The following TCIRG1 variants were observed in gnomAD, a reference collection of about 807,000 sequenced individuals.
TCIRG1 encodes the protein V-type proton ATPase 116 kDa subunit a 3.
A neutral mutation model predicts 95.5 loss-of-function variants in TCIRG1; 86 were observed. The ratio of observed to expected loss-of-function variants is 0.90; its 90% CI spans 0.76 to 1.08. The LOEUF (loss-of-function observed/expected upper bound fraction) is 1.08. Among genes scored for constraint, TCIRG1 ranks in the 50% least tolerant of loss-of-function variants. The pLI, the probability that TCIRG1 is intolerant of heterozygous loss-of-function variation, is 0.00. For synonymous variants in TCIRG1, 499 were observed against 501.3 expected (o/e 1.00, Z 0.06); for missense variants, 1,069 against 1,140.2 (o/e 0.94, Z 0.90).
chr11:68,041,410 G>T, intron 2 of TCIRG1, 22 bp downstream of exon 2: 1 of 1,543,414 alleles, frequency 6.5e-7, no homozygotes, highest in South Asian at 1.1e-5. Context: ...GGGCAGGCGT[G>T]GGAAGGGGGC....
rs1419160143 is a variant in TCIRG1, at chr11:68,043,847, G to A, written c.747G>A (p.Gln249=). ...FHCHVFPFLQ[Q]EEARLGALQQ... is the part of the protein sequence containing the mutation. Reference sequence around the variant, plus strand: ...GCCACGTCTTCCCGTTTCTGCAGCAGGAGGAGGCCCGCCTCGGGGCCCTGC... The same window carrying A: ...GCCACGTCTTCCCGTTTCTGCAGCAAGAGGAGGCCCGCCTCGGGGCCCTGC... Residue 249 remains glutamine (Q), a synonymous_variant, in exon 8 of 20, where the codon CAG becomes CAA. Transcript: ENST00000265686. 3 of 1,560,822 alleles carry A rather than the reference G, an allele frequency of 1.9e-6. No homozygotes were observed. Among genetic ancestry groups the A allele is most frequent in the Admixed American group, 3.8e-5 (2 of 52,282 alleles).
At chr11:68,048,720 C>A in intron 13 of TCIRG1, 159 bp from the exon 14 acceptor site, 1 of 728,716 alleles carries the variant, frequency 1.4e-6, no homozygotes, top group Non-Finnish European at 2.5e-6. Flanking sequence ...GGCAGCTGGC[C>A]CATCTGCGCT....
Position 68,050,517 on chromosome 11 carries a change from T to C in TCIRG1, c.2267T>C (p.Met756Thr), listed in dbSNP as rs760723665. The C allele has an allele frequency of 1.2e-6, 2 of 1,613,490 alleles. No homozygotes were observed. Among genetic ancestry groups the C allele is most frequent in the Non-Finnish European group, 1.7e-6 (2 of 1,180,002 alleles). Residue 756 changes from methionine to threonine, a missense_variant, in exon 19 of 20, where the codon ATG (methionine) becomes ACG (threonine). Physicochemically the swap from Met to Thr is moderately conservative, Grantham distance 81. Coordinates refer to ENST00000265686, the MANE Select transcript of TCIRG1 (RefSeq NM_006019.4). Reference protein sequence around the residue: ...QLSEVLWAMVMRIGLGLGREV... With the variant: ...QLSEVLWAMVTRIGLGLGREV... ...TCCGAGGTTCTGTGGGCCATGGTGATGCGCATAGGCCTGGGCCTGGGCCGG... is the reference window on the plus strand; with the variant it reads ...TCCGAGGTTCTGTGGGCCATGGTGACGCGCATAGGCCTGGGCCTGGGCCGG...
In TCIRG1 at chr11:68,044,372, T is replaced by C. The variant is rs757111026; in HGVS notation, c.1020+28T>C. On this transcript the variant is annotated intron_variant, in intron 9 of 19. Coordinates refer to ENST00000265686, the MANE Select transcript of TCIRG1 (RefSeq NM_006019.4). ...GAGCAGCCTGAGGCCTCGCCCCCTC[T>C]CCGCCCGCCCCTCCTACCAGGCCGG... is the stretch of plus-strand genomic sequence containing the variant. 5.3e-6 allele frequency: 8 copies of C among 1,516,424 alleles called. No homozygotes were observed. In the South Asian group the frequency reaches 6.0e-5, roughly 11 times the overall value. The allele number at this position is 1,516,424 out of a possible 1,614,324, so 93.9% of individuals were successfully genotyped here.
rs2134456014 is a variant in TCIRG1 at position 68,047,883 on chromosome 11, G to A, written c.1465G>A (p.Asp489Asn). The A allele has an allele frequency of 1.2e-6, 2 of 1,613,590 alleles. No individual in the cohort carries two copies. The highest frequency in any genetic ancestry group is 4.5e-5 in the East Asian group (2 of 44,872). Residue 489 changes from aspartate (D) to asparagine (N), a missense_variant and splice_region_variant, in exon 13 of 20, where the codon GAT becomes AAT. Transcript: ENST00000265686. ...AAMANQSGWSDAFLAQHTMLT... is the reference protein window; with the variant it reads ...AAMANQSGWSNAFLAQHTMLT... Reference sequence around the variant, plus strand: ...CCGCCCTCCCCTGCGTTGCCGCAGTGATGCATTCCTGGCCCAGCACACGAT... The same window carrying A: ...CCGCCCTCCCCTGCGTTGCCGCAGTAATGCATTCCTGGCCCAGCACACGAT...
Position 68,049,778 on chromosome 11 carries a change from C to A in TCIRG1, c.2003C>A (p.Ala668Asp). 2 of 1,571,866 alleles carry A rather than the reference C, an allele frequency of 1.3e-6. No homozygotes were observed. Among genetic ancestry groups the A allele is most frequent in the Non-Finnish European group, 1.7e-6 (2 of 1,166,014 alleles). ...RHRRRLRRRP[A>D]DRQEENKAGL... ...CGCCGCCGCCTGCGGAGGAGGCCCG[C>A]TGACCGACAGGTGGGACCGGGGCCT... Residue 668 changes from alanine (A) to aspartate (D), a missense_variant, in exon 16 of 20, where the codon GCT (alanine) becomes GAT (aspartate). By Grantham distance (126) the Ala-to-Asp change is moderately radical (BLOSUM62 -2). Transcript: ENST00000265686.
chr11:68,044,987 C>G lies in TCIRG1; in HGVS notation c.1050C>G (p.His350Gln). The change falls in exon 10 of 20, where the codon CAC becomes CAG. Residue 350 changes from histidine (H) to glutamine (Q), a missense_variant. Coordinates refer to ENST00000265686, the MANE Select transcript of TCIRG1 (RefSeq NM_006019.4). ...SMEEGVSAVA[H>Q]RIPCRDMPPT... ...AGGAGGGAGTGAGTGCCGTGGCTCA[C>G]CGCATCCCCTGCCGGGACATGCCCC... 1 of 1,608,772 alleles carries G rather than the reference C, an allele frequency of 6.2e-7. No homozygotes were observed. The highest frequency in any genetic ancestry group is 8.5e-7 in the Non-Finnish European group (1 of 1,179,986).
downstream of TCIRG1, chr11:68,050,991 GA>G: frequency 1.8e-5 from 13 of 723,422 alleles, no homozygotes; most frequent in South Asian, 1.3e-4. Context: ...TCAAGGCCTG[GA>G]CCTGAGCAGA....
intron 3 of TCIRG1, 129 bp downstream of exon 3, chr11:68,041,960 C>T: frequency 1.2e-6 from 1 of 837,008 alleles, no homozygotes; most frequent in Non-Finnish European, 2.0e-6. Flanking sequence ...CAGGGCCCTG[C>T]AGGGCCAAGA....
chr11:68,043,545 C>CT, intron 6 of TCIRG1, 26 bp from the exon 7 acceptor site: 1 of 1,598,672 alleles, frequency 6.3e-7, no homozygotes, highest in Non-Finnish European at 8.5e-7. Flanking sequence ...AGCGGGACCC[C>CT]AGAGTCAGCT....
In TCIRG1 at chr11:68,045,099, C is replaced by G; in HGVS notation, c.1162C>G (p.Pro388Ala). ...CGTGGGCCGCTACCAGGAGGTCAAC[C>G]CCGGTGAGAGCCACGGCATCCTTAC... is the stretch of plus-strand genomic sequence containing the variant. The part of the protein sequence containing the change: ...YGVGRYQEVN[P>A]APYTIITFPF... The change falls in exon 10 of 20, where the codon CCC (proline) becomes GCC (alanine). Residue 388 changes from proline (P) to alanine (A), a missense_variant. By Grantham distance (27) the Pro-to-Ala change is conservative. Coordinates refer to ENST00000265686, the MANE Select transcript of TCIRG1 (RefSeq NM_006019.4). The G allele has an allele frequency of 6.2e-7, 1 of 1,600,986 alleles. No homozygotes were observed. Among genetic ancestry groups the G allele is most frequent in the South Asian group, 1.1e-5 (1 of 91,090 alleles).
Position 68,045,064 on chromosome 11 carries a change from AT to A in TCIRG1, c.1128del (p.Asp376GlufsTer27). ...ACGGCCAGCTTCCAGGGCATCGTGG[AT>A]GCCTACGGCGTGGGCCGCTACCAGG... is the stretch of plus-strand genomic sequence containing the variant. ...RFTASFQGIV[D>X]AYGVGRYQEV... On this transcript the variant is annotated frameshift_variant, in exon 10 of 20. Coordinates refer to ENST00000265686, the MANE Select transcript of TCIRG1 (RefSeq NM_006019.4). LOFTEE classifies it high-confidence loss of function. 4 of 1,604,618 alleles carry A rather than the reference AT, an allele frequency of 2.5e-6. No homozygotes were observed. The highest frequency in any genetic ancestry group is 3.4e-6 in the Non-Finnish European group (4 of 1,179,980).
intron 1 of TCIRG1, among the ~76,000 whole-genome samples, chr11:68,040,740 C>A (rs553069319): frequency 6.6e-6 from 1 of 152,202 alleles, no homozygotes. Context: ...TGCTGCCGGG[C>A]GGCCCGGGCC....
At chr11:68,050,924 T>C (rs1855775570), downstream of TCIRG1, 3 of 1,320,414 alleles carry the variant, frequency 2.3e-6, no homozygotes, top group South Asian at 3.7e-5. Flanking sequence ...TCCCTCCTTT[T>C]TAGCTGAGGC....
intron 13 of TCIRG1, 116 bp downstream of exon 13, chr11:68,048,088 C>T: frequency 1.1e-6 from 1 of 921,308 alleles, no homozygotes; most frequent in Non-Finnish European, 1.8e-6. Context: ...GTGTGCCAGG[C>T]CCTTTCCTCA....
At position 68,041,320 on chromosome 11, in the gene TCIRG1, C is replaced by G. The variant is rs752849425; in HGVS notation, c.49C>G (p.Leu17Val). 1 of 1,613,286 alleles carries G rather than the reference C, an allele frequency of 6.2e-7. No individual in the cohort carries two copies. The highest frequency in any genetic ancestry group is 8.5e-7 in the Non-Finnish European group (1 of 1,179,976). The change falls in exon 2 of 20, where the codon CTG (leucine) becomes GTG (valine). Residue 17 changes from leucine (L) to valine (V), a missense_variant. Coordinates refer to ENST00000265686, the MANE Select transcript of TCIRG1 (RefSeq NM_006019.4). ...GGAGGTGGCCCTGGTCCAGCTCTTT[C>G]TGCCCACAGCGGCTGCCTACACCTG... ...SEEVALVQLF[L>V]PTAAAYTCVS...
chr11:68,043,534 G>A, intron 6 of TCIRG1, 37 bp downstream of exon 6: 1 of 1,591,650 alleles, frequency 6.3e-7, no homozygotes, highest in Non-Finnish European at 8.5e-7. Context: ...GTCCTGGGCA[G>A]AGCGGGACCC....
downstream of TCIRG1, chr11:68,050,993 C>A: frequency 2.8e-6 from 2 of 723,504 alleles, no homozygotes; most frequent in Admixed American, 2.1e-5. Context: ...AAGGCCTGGA[C>A]CTGAGCAGAT....
At position 68,042,834 on chromosome 11, in the gene TCIRG1, G is replaced by C; in HGVS notation, c.388G>C (p.Ala130Pro). 2 of 1,548,824 alleles carry C rather than the reference G, an allele frequency of 1.3e-6. No individual in the cohort carries two copies. Among genetic ancestry groups the C allele is most frequent in the East Asian group, 4.9e-5 (2 of 40,858 alleles). ...AQLHQLQLHA[A>P]VLRQGHEPQL... ...GCTGCACCAGCTGCAGCTCCACGCCGCCGTGCTACGCCAGGGCCATGAACC... is the reference window on the plus strand; with the variant it reads ...GCTGCACCAGCTGCAGCTCCACGCCCCCGTGCTACGCCAGGGCCATGAACC... Residue 130 changes from alanine (A) to proline (P), a missense_variant, in exon 4 of 20, where the codon GCC becomes CCC. Ala to Pro is a conservative substitution (Grantham distance 27). Coordinates refer to ENST00000265686, the MANE Select transcript of TCIRG1 (RefSeq NM_006019.4).
Sources: gnomAD v4.1 joint callset for allele counts (sites outside exome capture counted in the v4.1 genomes callset) on GRCh38, gnomAD v4.1.1 for gene constraint, MANE v1.5 for transcripts, NCBI Gene and HGNC (gene_info 2026-07-23, HGNC 2026-07-21) for gene names.